Variants in TAFA4 observed in about 807,000 individuals in gnomAD.
TAFA4 encodes the protein chemokine-like protein TAFA-4.
A neutral mutation model predicts 21.1 loss-of-function variants in TAFA4; 20 were observed. The ratio of observed to expected loss-of-function variants is 0.95; its 90% CI spans 0.67 to 1.38. TAFA4 has a LOEUF of 1.38. Among genes scored for constraint, TAFA4 ranks in the 40% most tolerant of loss-of-function variants. The pLI, the probability that TAFA4 is intolerant of heterozygous loss-of-function variation, is 0.00. For synonymous variants in TAFA4, 71 were observed against 67.4 expected, an observed-to-expected ratio of 1.05 and a Z score of -0.26; for missense variants, 211 against 180.9, an observed-to-expected ratio of 1.17 and a Z score of -0.95.
At chr3:68,817,159 T>G (rs1227203606) in intron 3 of TAFA4, among the ~76,000 whole-genome samples, 1 of 152,224 alleles carries the variant, frequency 6.6e-6, no homozygotes, top group Non-Finnish European at 1.5e-5. Flanking sequence ...TCAAATAAAT[T>G]TATGTAATAT....
chr3:68,927,325 C>CTACTAAT (rs1418014975), intron 1 of TAFA4, among the ~76,000 whole-genome samples: 1 of 152,048 alleles, frequency 6.6e-6, no homozygotes, highest in African/African-American at 2.4e-5. Context: ...AGAAATAAAA[C>CTACTAAT]TACTAATTTT....
chr3:68,855,645 C>T (rs1705053672), intron 3 of TAFA4, among the ~76,000 whole-genome samples: 1 of 151,990 alleles, frequency 6.6e-6, no homozygotes, highest in South Asian at 2.1e-4. Flanking sequence ...GAGTAGACGT[C>T]ATGTATCTTA....
intron 3 of TAFA4, among the ~76,000 whole-genome samples, chr3:68,830,705 C>T (rs566277864): frequency 1.3e-5 from 2 of 152,052 alleles, no homozygotes; most frequent in Non-Finnish European, 2.9e-5. Flanking sequence ...CTACTAGGTC[C>T]ACTTCGTCCA....
At chr3:68,874,810 AG>A in intron 3 of TAFA4, among the ~76,000 whole-genome samples, 1 of 151,642 alleles carries the variant, frequency 6.6e-6, no homozygotes, top group East Asian at 1.9e-4. Context: ...ACACACACAA[AG>A]GATGTAAAGC....
chr3:68,870,236 G>A (rs555181644), intron 3 of TAFA4, among the ~76,000 whole-genome samples: 1 of 152,076 alleles, frequency 6.6e-6, no homozygotes, highest in African/African-American at 2.4e-5. Context: ...TATACTCATG[G>A]GTTAGAAGAA....
intron 1 of TAFA4, chr3:68,916,016 T>C (rs2090001151): frequency 6.6e-6 from 1 of 152,194 alleles, no homozygotes; most frequent in African/African-American, 2.4e-5. Context: ...GACAGACAAG[T>C]TCAAAACCTA....
At chr3:68,739,511 C>A (rs190921543) in intron 4 of TAFA4, among the ~76,000 whole-genome samples, 2 of 152,092 alleles carry the variant, frequency 1.3e-5, no homozygotes, top group Non-Finnish European at 2.9e-5. Flanking sequence ...AAAAATCAAC[C>A]ACTGAATCCA....
At chr3:68,809,443 T>A (rs1355179971) in intron 3 of TAFA4, among the ~76,000 whole-genome samples, 1 of 152,144 alleles carries the variant, frequency 6.6e-6, no homozygotes, top group East Asian at 1.9e-4. Context: ...GATTTGTTTG[T>A]GATTTTTTTT....
intron 3 of TAFA4, among the ~76,000 whole-genome samples, chr3:68,873,337 T>TACACACACACAC (rs34998311): frequency 0.019 from 2,495 of 133,464 alleles, 65 homozygotes; most frequent in East Asian, 0.074. Flanking sequence ...CACGCAGACA[T>TACACACACACAC]ACACACACAC....
chr3:68,756,790 A>G (rs975109468), intron 3 of TAFA4, among the ~76,000 whole-genome samples: 2 of 152,236 alleles, frequency 1.3e-5, no homozygotes, highest in Non-Finnish European at 2.9e-5. Context: ...TTAAATGTTC[A>G]TAACAAGAGC....
At chr3:68,886,283 A>G (rs2089671710) in intron 1 of TAFA4, among the ~76,000 whole-genome samples, 1 of 152,204 alleles carries the variant, frequency 6.6e-6, no homozygotes, top group African/African-American at 2.4e-5. Context: ...TTGGGGCTGC[A>G]TGTAAGAGAG....
chr3:68,789,855 G>A lies in TAFA4; in HGVS notation c.131-36837C>T, dbSNP rs527447686. 5.9e-5 allele frequency among the ~76,000 whole-genome samples: 9 copies of A among 152,192 alleles called. No homozygotes were observed. In the South Asian group the frequency reaches 1.2e-3, roughly 21 times the overall value. On this transcript the variant is annotated intron_variant, in intron 3 of 5. Coordinates refer to ENST00000295569, the MANE Select transcript of TAFA4 (RefSeq NM_182522.5). ...CATACCCACACACATCAATAAAACC[G>A]TGGTAACCTCTCACCTCTAAAATGA...
intron 3 of TAFA4, among the ~76,000 whole-genome samples, chr3:68,843,638 A>C (rs934449884): frequency 2.0e-5 from 3 of 152,242 alleles, no homozygotes; most frequent in East Asian, 3.8e-4. Context: ...ATTCAGCATG[A>C]TATTGGCTGT....
intron 3 of TAFA4, among the ~76,000 whole-genome samples, chr3:68,820,290 T>C (rs1209586044): frequency 6.6e-6 from 1 of 152,194 alleles, no homozygotes; most frequent in South Asian, 2.1e-4. Context: ...AGAGATAAGA[T>C]ATTTGTCAAA....
Position 68,783,798 on chromosome 3 carries a change from T to C in TAFA4, c.131-30780A>G, listed in dbSNP as rs17506879. On this transcript the variant is annotated intron_variant, in intron 3 of 5. Coordinates refer to ENST00000295569, the MANE Select transcript of TAFA4 (RefSeq NM_182522.5). ...AACAAAGAAAAAGAGATGGACTGAA[T>C]AGATACCAAAATAACAGGTGTGATT... Among the ~76,000 whole-genome samples, 970 of 151,602 alleles carry C rather than the reference T, an allele frequency of 6.4e-3. 66 individuals are homozygous for C. In the East Asian group the frequency reaches 0.14, roughly 22 times the overall value.
Position 68,739,144 on chromosome 3 carries a change from C to T in TAFA4, c.342G>A (p.Glu114=). ...WCHMNPCLEG[E]DCKVLPDYSG... is the part of the protein sequence containing the mutation. Reference sequence around the variant, plus strand: ...AGTAATCTGGCAGCACTTTACAATCCTCTCCTTCCAAACACGGATTCATGT... The same window carrying T: ...AGTAATCTGGCAGCACTTTACAATCTTCTCCTTCCAAACACGGATTCATGT... The change falls in exon 5 of 6, where the codon GAG becomes GAA. Residue 114 remains glutamate (E), a synonymous_variant. Coordinates refer to ENST00000295569, the MANE Select transcript of TAFA4 (RefSeq NM_182522.5). 3 of 1,613,988 alleles carry T rather than the reference C, an allele frequency of 1.9e-6. No homozygotes were observed. The highest frequency in any genetic ancestry group is 2.5e-6 in the Non-Finnish European group (3 of 1,179,914).
intron 3 of TAFA4, among the ~76,000 whole-genome samples, chr3:68,843,686 G>T (rs559128901): frequency 1.3e-5 from 2 of 152,148 alleles, no homozygotes; most frequent in African/African-American, 2.4e-5. Flanking sequence ...TTTGAGATAC[G>T]GTCCACCAAT....
intron 3 of TAFA4, among the ~76,000 whole-genome samples, chr3:68,801,801 C>T (rs1181776948): frequency 6.6e-6 from 1 of 152,098 alleles, no homozygotes; most frequent in Admixed American, 6.6e-5. Flanking sequence ...CAAAAAGATA[C>T]AGTGGGCCAG....
At chr3:68,848,853 T>A (rs1312702630) in intron 3 of TAFA4, among the ~76,000 whole-genome samples, 1 of 152,126 alleles carries the variant, frequency 6.6e-6, no homozygotes, top group Non-Finnish European at 1.5e-5. Flanking sequence ...AGTGACAGGC[T>A]GTCTCCTTTC....
Sources: gnomAD v4.1 joint callset for allele counts (sites outside exome capture counted in the v4.1 genomes callset) on GRCh38, gnomAD v4.1.1 for gene constraint, MANE v1.5 for transcripts, NCBI Gene and HGNC (gene_info 2026-07-23, HGNC 2026-07-21) for gene names.